The following ADCYAP1R1 variants were observed in gnomAD, a reference collection of about 807,000 sequenced individuals.
ADCYAP1R1 encodes the protein pituitary adenylate cyclase-activating polypeptide type I receptor.
In ADCYAP1R1, 44 loss-of-function variants were observed where a neutral mutation model predicts 67.6. That is an observed-to-expected ratio of 0.65 (90% confidence interval 0.51 to 0.84). ADCYAP1R1 has a LOEUF of 0.84. ADCYAP1R1 is among the 40% of genes least tolerant of loss of function. The pLI, the probability that ADCYAP1R1 is intolerant of heterozygous loss-of-function variation, is 0.00. For missense variants in ADCYAP1R1, 477 were observed against 587.9 expected (o/e 0.81, Z 1.95); for synonymous variants, 222 against 219.6 (o/e 1.01, Z -0.10).
chr7:31,066,961 G>A (rs942095288), intron 3 of ADCYAP1R1, among the ~76,000 whole-genome samples: 2 of 152,168 alleles, frequency 1.3e-5, no homozygotes, highest in African/African-American at 2.4e-5. Flanking sequence ...CATGGCTGAG[G>A]GCCCAGGGAG....
chr7:31,092,964 G>C (rs1056939802), intron 13 of ADCYAP1R1, among the ~76,000 whole-genome samples: 1 of 152,208 alleles, frequency 6.6e-6, no homozygotes. Flanking sequence ...GGAAGAGAGA[G>C]AGAGAGAGAG....
At chr7:31,095,491 A>G (rs1796149049) in intron 13 of ADCYAP1R1, among the ~76,000 whole-genome samples, 1 of 152,052 alleles carries the variant, frequency 6.6e-6, no homozygotes, top group African/African-American at 2.4e-5. Context: ...AGGTGTCTGC[A>G]CTGGGAGGAG....
At chr7:31,077,922 T>C in intron 3 of ADCYAP1R1, 69 bp from the exon 4 acceptor site, 2 of 997,088 alleles carry the variant, frequency 2.0e-6, no homozygotes, top group Non-Finnish European at 3.0e-6. Flanking sequence ...GTGTGTGTGA[T>C]GTGTGTGGTG....
chr7:31,078,096 A>C lies in ADCYAP1R1; in HGVS notation c.263A>C (p.Gln88Pro), dbSNP rs1478252322. The part of the protein sequence containing the change: ...PELFRIFNPD[Q>P]VWETETIGES... ...CTCTTCCGAATCTTCAACCCAGACCAAGGTGGGTTTAGCCCAGTCTCTTTA... is the reference window on the plus strand; with the variant it reads ...CTCTTCCGAATCTTCAACCCAGACCCAGGTGGGTTTAGCCCAGTCTCTTTA... The change falls in exon 4 of 16, where the codon CAA (glutamine) becomes CCA (proline). Residue 88 changes from glutamine to proline, a missense_variant and splice_region_variant. Gln to Pro is a moderately conservative substitution (Grantham distance 76). Transcript: ENST00000304166. 6.2e-7 allele frequency: 1 copy of C among 1,609,138 alleles called. No homozygotes were observed.
At position 31,052,676 on chromosome 7, in the gene ADCYAP1R1, C is replaced by T. The variant is rs533950332; in HGVS notation, c.-74C>T. 190 of 152,234 alleles carry T rather than the reference C, an allele frequency of 1.2e-3. 3 individuals carry two copies. Among genetic ancestry groups the T allele is most frequent in the African/African-American group, 4.3e-3 (180 of 41,506 alleles). The allele number at this position is 152,234 out of a possible 1,614,324, so 9.4% of individuals were successfully genotyped here. A position where few individuals can be genotyped will look rare whatever the true frequency, so the allele number is the denominator to read the frequency against. ...CCCCACGGACAGGCCCCGCAGTGAG[C>T]AGGTAAGGGTCGCCCCGCCGCGGCT... On this transcript the variant is annotated splice_region_variant and 5_prime_UTR_variant, in exon 1 of 16. Coordinates refer to ENST00000304166, the MANE Select transcript of ADCYAP1R1 (RefSeq NM_001118.5).
intron 13 of ADCYAP1R1, chr7:31,095,565 G>A: frequency 1.4e-6 from 1 of 708,092 alleles, no homozygotes; most frequent in South Asian, 1.5e-5. Flanking sequence ...AGATTCCAGG[G>A]CTGTGCCAGA....
At chr7:31,068,221 A>G (rs1025027253) in intron 3 of ADCYAP1R1, among the ~76,000 whole-genome samples, 1 of 152,006 alleles carries the variant, frequency 6.6e-6, no homozygotes, top group Non-Finnish European at 1.5e-5. Context: ...GCGCGCACAC[A>G]CACACACACA....
At position 31,109,778 on chromosome 7, in the gene ADCYAP1R1, G is replaced by A. The variant is rs1796786557; in HGVS notation, c.*3094G>A. On this transcript the variant is annotated 3_prime_UTR_variant, in exon 16 of 16. Coordinates refer to ENST00000304166, the MANE Select transcript of ADCYAP1R1 (RefSeq NM_001118.5). Reference sequence around the variant, plus strand: ...CAAGTCAAGGATGCTGAGGCTGTCAGGGAGCCAGAGAGGGGGGTCCAAGTG... The same window carrying A: ...CAAGTCAAGGATGCTGAGGCTGTCAAGGAGCCAGAGAGGGGGGTCCAAGTG... 6.6e-6 allele frequency: 1 copy of A among 152,500 alleles called. No individual in the cohort carries two copies. The highest frequency in any genetic ancestry group is 1.5e-5 in the Non-Finnish European group (1 of 68,112). The allele number at this position is 152,500 out of a possible 1,614,324, so 9.4% of individuals were successfully genotyped here.
chr7:31,083,177 G>C (rs1048669291), intron 6 of ADCYAP1R1, among the ~76,000 whole-genome samples: 16 of 152,260 alleles, frequency 1.1e-4, no homozygotes, highest in Non-Finnish European at 2.1e-4. Flanking sequence ...GATAGACCGG[G>C]TACGCTCCCA....
chr7:31,076,143 T>A (rs1009581141), intron 3 of ADCYAP1R1, among the ~76,000 whole-genome samples: 3 of 152,114 alleles, frequency 2.0e-5, no homozygotes, highest in African/African-American at 7.2e-5. Context: ...TTCTGTAACA[T>A]CCATGAGCAG....
intron 3 of ADCYAP1R1, among the ~76,000 whole-genome samples, chr7:31,077,149 G>C (rs1346215142): frequency 6.6e-6 from 1 of 152,208 alleles, no homozygotes; most frequent in Admixed American, 6.5e-5. Context: ...TGTAGGCCTT[G>C]CCTTTCCTCT....
intron 15 of ADCYAP1R1, among the ~76,000 whole-genome samples, chr7:31,106,038 C>A (rs571643568): frequency 2.0e-5 from 3 of 152,192 alleles, no homozygotes; most frequent in Non-Finnish European, 4.4e-5. Context: ...GGGTCTTGTG[C>A]AGAACTTTTG....
chr7:31,079,336 C>T (rs1795416823), intron 4 of ADCYAP1R1, among the ~76,000 whole-genome samples: 1 of 152,220 alleles, frequency 6.6e-6, no homozygotes, highest in African/African-American at 2.4e-5. Flanking sequence ...GAGGGACTGG[C>T]TCCAGCCAGG....
At chr7:31,062,549 C>T (rs1379773703) in intron 1 of ADCYAP1R1, among the ~76,000 whole-genome samples, 1 of 152,192 alleles carries the variant, frequency 6.6e-6, no homozygotes, top group Non-Finnish European at 1.5e-5. Context: ...GCTAGGTGGG[C>T]CTCCAGGCAG....
Position 31,084,725 on chromosome 7 carries a change from G to A in ADCYAP1R1, c.439-12G>A, listed in dbSNP as rs1263302180. 6.2e-7 allele frequency: 1 copy of A among 1,607,200 alleles called. No individual in the cohort carries two copies. The highest frequency in any genetic ancestry group is 8.5e-7 in the Non-Finnish European group (1 of 1,173,702). On this transcript the variant is annotated splice_polypyrimidine_tract_variant and intron_variant, in intron 7 of 15. Transcript: ENST00000304166. Reference sequence around the variant, plus strand: ...TCACATGAAGTCCTGCATGTCCTGTGCTCTGCTTCAGGATTATTACTACCT... The same window carrying A: ...TCACATGAAGTCCTGCATGTCCTGTACTCTGCTTCAGGATTATTACTACCT...
rs142256157 is a variant in ADCYAP1R1, at chr7:31,082,728, T to G, written c.328+974T>G. On this transcript the variant is annotated intron_variant, in intron 6 of 15. Coordinates refer to ENST00000304166, the MANE Select transcript of ADCYAP1R1 (RefSeq NM_001118.5). Reference sequence around the variant, plus strand: ...TTTGGCATCAGCTGTGGGACAGAAGTGAGCTCCTTTGCTCTCTCTGGGCTT... The same window carrying G: ...TTTGGCATCAGCTGTGGGACAGAAGGGAGCTCCTTTGCTCTCTCTGGGCTT... 7.2e-3 allele frequency among the ~76,000 whole-genome samples: 1,092 copies of G among 152,300 alleles called. 18 individuals are homozygous for G. Among genetic ancestry groups the G allele is most frequent in the African/African-American group, 0.025 (1,031 of 41,556 alleles).
intron 12 of ADCYAP1R1, among the ~76,000 whole-genome samples, chr7:31,089,198 C>G (rs972554454): frequency 6.6e-6 from 1 of 151,890 alleles, no homozygotes; most frequent in African/African-American, 2.4e-5. Flanking sequence ...TGTGTCCTTT[C>G]TTAGTTGTGT....
chr7:31,082,480 CT>C, intron 6 of ADCYAP1R1, among the ~76,000 whole-genome samples: 1 of 152,174 alleles, frequency 6.6e-6, no homozygotes. Flanking sequence ...ACCGCTTTTC[CT>C]TCTAGAACAC....
intron 1 of ADCYAP1R1, among the ~76,000 whole-genome samples, chr7:31,056,350 T>A (rs1307293800): frequency 2.6e-5 from 4 of 152,068 alleles, no homozygotes; most frequent in African/African-American, 9.7e-5. Flanking sequence ...TCTTTCTCCC[T>A]CCTGATCGAT....
Sources: gnomAD v4.1 joint callset for allele counts (sites outside exome capture counted in the v4.1 genomes callset) on GRCh38, gnomAD v4.1.1 for gene constraint, MANE v1.5 for transcripts, NCBI Gene and HGNC (gene_info 2026-07-23, HGNC 2026-07-21) for gene names.